The following ENTPD6 variants were observed in gnomAD, a reference collection of about 807,000 sequenced individuals.
ENTPD6 encodes the protein CD39 antigen-like 2.
A neutral mutation model predicts 61.5 loss-of-function variants in ENTPD6; 46 were observed. The ratio of observed to expected loss-of-function variants is 0.75; its 90% CI spans 0.59 to 0.96. The LOEUF is 0.96. Among genes scored for constraint, ENTPD6 ranks in the 40% least tolerant of loss-of-function variants. ENTPD6 has a pLI of 0.00. For synonymous variants in ENTPD6, 252 were observed against 255.5 expected (o/e 0.99, Z 0.13); for missense variants, 612 against 629.0 (o/e 0.97, Z 0.29).
At chr20:25,208,833 G>A (rs937405112) in intron 3 of ENTPD6, among the ~76,000 whole-genome samples, 9 of 152,206 alleles carry the variant, frequency 5.9e-5, no homozygotes, top group African/African-American at 2.2e-4. Context: ...GAATTGGCAA[G>A]AATTAACTAT....
In ENTPD6 at chr20:25,209,936, T is replaced by C; in HGVS notation, c.453+11T>C. On this transcript the variant is annotated intron_variant, in intron 4 of 14. Transcript: ENST00000376652. ...GATGATGTTGAAAAGGTAAGGATCC[T>C]CTCCCGTGTCTCCCTGTTCAACTGC... is the stretch of plus-strand genomic sequence containing the variant. 1.2e-6 allele frequency: 2 copies of C among 1,603,470 alleles called. No homozygotes were observed. Among genetic ancestry groups the C allele is most frequent in the East Asian group, 2.2e-5 (1 of 44,832 alleles).
At chr20:25,217,360 G>T in intron 8 of ENTPD6, 142 bp from the exon 9 acceptor site, 5 of 735,914 alleles carry the variant, frequency 6.8e-6, no homozygotes, top group Non-Finnish European at 9.4e-6. Context: ...GCCTGCTCCT[G>T]TCTCGCAGCC....
In ENTPD6 at chr20:25,199,711, T is replaced by C. The variant is rs184812496; in HGVS notation, c.-16+3844T>C. On this transcript the variant is annotated intron_variant, in intron 1 of 14. Coordinates refer to ENST00000376652, the MANE Select transcript of ENTPD6 (RefSeq NM_001247.5). ...TGTGATTTGACAGCTCTGTAACTCA[T>C]GTAAGTGGAATCCTACAATATTTGT... 5.5e-4 allele frequency among the ~76,000 whole-genome samples: 84 copies of C among 152,312 alleles called. 1 individual carries two copies. The highest frequency in any genetic ancestry group is 2.0e-3 in the African/African-American group (83 of 41,568).
chr20:25,217,724 C>T (rs1001541689), intron 9 of ENTPD6, 143 bp downstream of exon 9: 4 of 696,202 alleles, frequency 5.7e-6, no homozygotes, highest in East Asian at 5.3e-5. Flanking sequence ...CTCTCCTCCT[C>T]CTCCTTCTCC....
At chr20:25,217,925 C>T (rs1316621189) in intron 9 of ENTPD6, among the ~76,000 whole-genome samples, 1 of 150,356 alleles carries the variant, frequency 6.7e-6, no homozygotes, top group Non-Finnish European at 1.5e-5. Flanking sequence ...CCTCCTCCTT[C>T]ATCCTTTAAT....
At chr20:25,211,564 C>T (rs542232553) in intron 4 of ENTPD6, among the ~76,000 whole-genome samples, 2 of 152,334 alleles carry the variant, frequency 1.3e-5, no homozygotes, top group East Asian at 3.9e-4. Context: ...GTGTCCACAC[C>T]GAGGCCTTTG....
In ENTPD6 at chr20:25,215,724, T is replaced by C; in HGVS notation, c.709+13T>C. 6.2e-7 allele frequency: 1 copy of C among 1,614,050 alleles called. No homozygotes were observed. The highest frequency in any genetic ancestry group is 1.3e-5 in the African/African-American group (1 of 75,070). ...AACTTCCTGACAGGTGTGTGCACAC[T>C]GCATCACAGAGGCTAGCCGATCACA... On this transcript the variant is annotated intron_variant, in intron 7 of 14. Transcript: ENST00000376652.
intron 1 of ENTPD6, among the ~76,000 whole-genome samples, chr20:25,198,065 G>C (rs901013755): frequency 6.6e-6 from 1 of 152,016 alleles, no homozygotes; most frequent in Non-Finnish European, 1.5e-5. Context: ...GCACATAAAG[G>C]GTTTTTTTAA....
At chr20:25,197,012 C>A in intron 1 of ENTPD6, 1 of 879,350 alleles carries the variant, frequency 1.1e-6, no homozygotes, top group Non-Finnish European at 1.4e-6. Context: ...ACGGGCGGTT[C>A]ACGCACCGGT....
chr20:25,203,899 A>G (rs191201093), intron 1 of ENTPD6, among the ~76,000 whole-genome samples: 4 of 152,306 alleles, frequency 2.6e-5, no homozygotes, highest in Admixed American at 6.5e-5. Context: ...AATGGCCCCC[A>G]CCAAATAGCA....
rs2092823957 is a variant in ENTPD6 at position 25,228,021 on chromosome 20, AT to A, written c.*2431del. On this transcript the variant is annotated 3_prime_UTR_variant, in exon 15 of 15. Transcript: ENST00000376652. ...GCCGATTTTCTATAAGATTGTCATC[AT>A]TTTTTTGTTAATTGTAGATCTTTAT... Among the ~76,000 whole-genome samples, 1 of 152,274 alleles carries A rather than the reference AT, an allele frequency of 6.6e-6. No homozygotes were observed. The highest frequency in any genetic ancestry group is 1.9e-4 in the East Asian group (1 of 5,186).
chr20:25,206,987 C>T, intron 2 of ENTPD6, 89 bp from the exon 3 acceptor site: 1 of 1,221,844 alleles, frequency 8.2e-7, no homozygotes, highest in Non-Finnish European at 1.1e-6. Flanking sequence ...TCAGGTTGAA[C>T]ATTTTGTCCC....
chr20:25,224,322 C>T, intron 13 of ENTPD6, 165 bp downstream of exon 13: 1 of 530,754 alleles, frequency 1.9e-6, no homozygotes. Flanking sequence ...GTCCCACCCT[C>T]ATGGGGTCGT....
rs1267120770 is a variant in ENTPD6, at chr20:25,222,938, C to A, written c.1146C>A (p.Phe382Leu). Residue 382 changes from phenylalanine to leucine, a missense_variant, in exon 12 of 15, where the codon TTC (phenylalanine) becomes TTA (leucine). Transcript: ENST00000376652. ...TGAAGCATGTGGACTTCTATGCTTT[C>A]TCCTACTATTACGACCTTGCAGCTG... ...EEVKHVDFYA[F>L]SYYYDLAAGV... The A allele has an allele frequency of 6.2e-7, 1 of 1,613,988 alleles. No homozygotes were observed. The highest frequency in any genetic ancestry group is 8.5e-7 in the Non-Finnish European group (1 of 1,180,000).
chr20:25,221,597 G>A, intron 11 of ENTPD6: 1 of 491,896 alleles, frequency 2.0e-6, no homozygotes, highest in Non-Finnish European at 3.7e-6. Flanking sequence ...TTCCTAACAG[G>A]CCTGCAGGGA....
chr20:25,210,761 G>A (rs1431680694), intron 4 of ENTPD6, among the ~76,000 whole-genome samples: 1 of 151,902 alleles, frequency 6.6e-6, no homozygotes, highest in African/African-American at 2.4e-5. Context: ...GGTCAACATG[G>A]TGAAACCTTG....
intron 11 of ENTPD6, chr20:25,222,469 T>G (rs1350819036): frequency 1.5e-5 from 3 of 204,880 alleles, no homozygotes; most frequent in Non-Finnish European, 1.9e-5. Context: ...ATAGGGAGGG[T>G]GCAGGCCCCC....
At chr20:25,199,841 A>T (rs571156294) in intron 1 of ENTPD6, among the ~76,000 whole-genome samples, 17 of 152,370 alleles carry the variant, frequency 1.1e-4, no homozygotes, top group Admixed American at 6.5e-4. Context: ...ATAATATTTC[A>T]TTCAAAATTC....
intron 1 of ENTPD6, among the ~76,000 whole-genome samples, 180 bp from the exon 2 acceptor site, chr20:25,206,342 T>C (rs1006674478): frequency 1.3e-5 from 2 of 152,220 alleles, no homozygotes; most frequent in East Asian, 3.8e-4. Flanking sequence ...CTTCTTGTCC[T>C]TTGAAGCCTC....
Sources: allele counts gnomAD v4.1 joint callset (sites outside exome capture counted in the v4.1 genomes callset), GRCh38; gene constraint gnomAD v4.1.1; transcripts MANE v1.5; gene names NCBI Gene and HGNC (gene_info 2026-07-23, HGNC 2026-07-21).